AAAS: variants seen among roughly 807,000 people sequenced by gnomAD.
The protein encoded by AAAS is aladin.
Under a neutral mutation model 75.6 loss-of-function variants are expected in AAAS, and 60 were observed. The observed-to-expected ratio is 0.79, with a 90% CI of 0.64 to 0.98. AAAS has a LOEUF of 0.98. AAAS is among the 50% of genes least tolerant of loss of function. The probability of loss-of-function intolerance (pLI) is 0.00; values close to 1 mark genes in which losing one functional copy is unlikely to be tolerated. For synonymous variants in AAAS, 271 were observed against 265.0 expected (o/e 1.02, Z -0.22); for missense variants, 658 against 686.9 (o/e 0.96, Z 0.47).
chr12:53,312,946 T>C (rs1257438797), intron 7 of AAAS, among the ~76,000 whole-genome samples: 1 of 150,988 alleles, frequency 6.6e-6, no homozygotes, highest in Non-Finnish European at 1.5e-5. Context: ...AACCTCCGCC[T>C]CCCAGGTTCA....
At chr12:53,309,828 T>C (rs1944358366) in intron 7 of AAAS, 107 bp from the exon 8 acceptor site, 19 of 1,500,548 alleles carry the variant, frequency 1.3e-5, no homozygotes, top group Middle Eastern at 3.4e-4. Context: ...TGGCCCACTC[T>C]GGGCTCAAAT....
intron 2 of AAAS, among the ~76,000 whole-genome samples, chr12:53,316,785 A>AT (rs1944469498): frequency 6.9e-6 from 1 of 145,044 alleles, no homozygotes; most frequent in African/African-American, 2.5e-5. Context: ...AAAAAAAAAA[A>AT]GAAGAGAAAA....
At position 53,321,426 on chromosome 12, in the gene AAAS, C is replaced by A; in HGVS notation, c.40G>T (p.Gly14Cys). ...LGLFPPPPPR[G>C]QVTLYEHNNE... ...TTGTGCTCATATAGGGTGACTTGAC[C>A]CCGAGGCGGTGGAGGAGGGAACAAC... Residue 14 changes from glycine to cysteine, a missense_variant, in exon 1 of 16, where the codon GGT (glycine) becomes TGT (cysteine). Transcript: ENST00000209873. 6.2e-7 allele frequency: 1 copy of A among 1,614,226 alleles called. No homozygotes were observed. Among genetic ancestry groups the A allele is most frequent in the South Asian group, 1.1e-5 (1 of 91,090 alleles).
At chr12:53,318,223 A>AGTGT (rs71443291) in intron 2 of AAAS, among the ~76,000 whole-genome samples, 364 of 136,986 alleles carry the variant, frequency 2.7e-3, no homozygotes, top group African/African-American at 5.5e-3. Context: ...ATGGGGTTTC[A>AGTGT]GTGTGTGTGT....
At chr12:53,321,220 G>A (rs1443682801) in intron 1 of AAAS, 123 bp downstream of exon 1, 4 of 1,470,736 alleles carry the variant, frequency 2.7e-6, no homozygotes, top group Non-Finnish European at 3.7e-6. Flanking sequence ...CTCCTGCCGG[G>A]GCCAAGCTGT....
intron 2 of AAAS, among the ~76,000 whole-genome samples, chr12:53,318,735 G>A (rs1944506017): frequency 6.6e-6 from 1 of 152,130 alleles, no homozygotes; most frequent in African/African-American, 2.4e-5. Flanking sequence ...ATTTGAGCAT[G>A]CTGAATATAT....
chr12:53,310,433 G>A (rs954778441), intron 7 of AAAS, among the ~76,000 whole-genome samples: 2 of 152,112 alleles, frequency 1.3e-5, no homozygotes, highest in African/African-American at 4.8e-5. Flanking sequence ...GGTGGTGTTC[G>A]CCTGTAGTCC....
At chr12:53,313,007 C>A (rs1356911670) in intron 7 of AAAS, among the ~76,000 whole-genome samples, 1 of 151,604 alleles carries the variant, frequency 6.6e-6, no homozygotes, top group Non-Finnish European at 1.5e-5. Flanking sequence ...CAGGCGAGCA[C>A]CACCACGCCC....
intron 2 of AAAS, among the ~76,000 whole-genome samples, chr12:53,319,733 GGCGGAGGC>G (rs1006142491): frequency 5.4e-5 from 8 of 148,022 alleles, no homozygotes; most frequent in Non-Finnish European, 1.0e-4. Context: ...GAACCAGAGA[GGCGGAGGC>G]TGCAGTGAGC....
rs2121089788 is a variant in AAAS at position 53,309,677 on chromosome 12, G to A, written c.734C>T (p.Thr245Ile). 5.6e-6 allele frequency: 9 copies of A among 1,613,424 alleles called. No homozygotes were observed. The highest frequency in any genetic ancestry group is 2.2e-5 in the East Asian group (1 of 44,878). The change falls in exon 8 of 16, where the codon ACA (threonine) becomes ATA (isoleucine). Residue 245 changes from threonine (T) to isoleucine (I), a missense_variant. By Grantham distance (89) the Thr-to-Ile change is moderately conservative (BLOSUM62 -1). Coordinates refer to ENST00000209873, the MANE Select transcript of AAAS (RefSeq NM_015665.6). ...GGCCCAGGCCAAGCTGGTAACAGGT[G>A]TATGCCCAGGGTGAGACAGCACTTG... ...CAQVLSHPGH[T>I]PVTSLAWAPS...
intron 1 of AAAS, 117 bp from the exon 2 acceptor site, chr12:53,320,809 C>A: frequency 8.2e-7 from 1 of 1,225,550 alleles, no homozygotes; most frequent in Non-Finnish European, 1.2e-6. Flanking sequence ...GGTCTGTTTC[C>A]CATTTCCACA....
At position 53,315,314 on chromosome 12, in the gene AAAS, TG is replaced by T. The variant is rs1944445077; in HGVS notation, c.399+20del. 1 of 1,613,198 alleles carries T rather than the reference TG, an allele frequency of 6.2e-7. No homozygotes were observed. The highest frequency in any genetic ancestry group is 8.5e-7 in the Non-Finnish European group (1 of 1,179,344). ...TGGGGACACAGCAAATGCAGAGGGC[TG>T]GGGAGGAAGCCAAACTTACAGACAG... On this transcript the variant is annotated intron_variant, in intron 4 of 15. Transcript: ENST00000209873.
chr12:53,309,157 C>T lies in AAAS; in HGVS notation c.935G>A (p.Arg312Gln), dbSNP rs1029967361. The T allele has an allele frequency of 1.5e-5, 24 of 1,614,156 alleles. No individual in the cohort carries two copies. Among genetic ancestry groups the T allele is most frequent in the East Asian group, 2.2e-5 (1 of 44,894 alleles). ...CTCCCTCCATCCTTGTCCCACTCACCGAAAGACAGCTGAAGGAGTGGTAGC... is the reference window on the plus strand; with the variant it reads ...CTCCCTCCATCCTTGTCCCACTCACTGAAAGACAGCTGAAGGAGTGGTAGC... ...ILATTPSAVF[R>Q]VWEAQMWTCE... Residue 312 changes from arginine (R) to glutamine (Q), a missense_variant and splice_region_variant, in exon 9 of 16, where the codon CGA becomes CAA. Physicochemically the swap from Arg to Gln is conservative, Grantham distance 43. Coordinates refer to ENST00000209873, the MANE Select transcript of AAAS (RefSeq NM_015665.6).
intron 7 of AAAS, 147 bp downstream of exon 7, chr12:53,314,151 C>T (rs2136809929): frequency 1.7e-6 from 2 of 1,201,422 alleles, no homozygotes; most frequent in South Asian, 2.5e-5. Flanking sequence ...TTCTCAGCAA[C>T]CCACCTTGAT....
At chr12:53,314,528 A>C in intron 6 of AAAS, 87 bp from the exon 7 acceptor site, 1 of 1,580,662 alleles carries the variant, frequency 6.3e-7, no homozygotes, top group Non-Finnish European at 8.7e-7. Flanking sequence ...AAAGCCACAG[A>C]GAAGAAGGAT....
chr12:53,311,386 T>C (rs945847343), intron 7 of AAAS, among the ~76,000 whole-genome samples: 1 of 152,174 alleles, frequency 6.6e-6, no homozygotes, highest in Non-Finnish European at 1.5e-5. Flanking sequence ...CTCAGCCTCC[T>C]GAGTAGCTGG....
intron 2 of AAAS, 42 bp downstream of exon 2, chr12:53,320,523 A>T (rs775790139): frequency 6.2e-7 from 1 of 1,612,388 alleles, no homozygotes; most frequent in Non-Finnish European, 8.5e-7. Flanking sequence ...ATTTTCCAGG[A>T]TCTGCAGACT....
chr12:53,314,585 G>C lies in AAAS; in HGVS notation c.546-144C>G, dbSNP rs570290321. ...CACCATAGGACAGGAGGGGATAAAG[G>C]TTAGGTCTAGAAGAAGCACGCATCC... On this transcript the variant is annotated intron_variant, in intron 6 of 15. Transcript: ENST00000209873. 506 of 1,360,814 alleles carry C rather than the reference G, an allele frequency of 3.7e-4. 5 individuals are homozygous for C. The South Asian group carries it at 5.4e-3, about 15-fold the overall frequency. 84.3% of individuals were successfully genotyped at this position (1,360,814 alleles called of 1,614,324 possible). A position where few individuals can be genotyped will look rare whatever the true frequency, so the allele number is the denominator to read the frequency against.
rs1345486706 is a variant in AAAS at position 53,317,568 on chromosome 12, AC to A, written c.252-1787del. Among the ~76,000 whole-genome samples the A allele has an allele frequency of 1.5e-3, 196 of 130,110 alleles. 1 individual carries two copies. In the East Asian group the frequency reaches 0.02, roughly 13 times the overall value. The allele number at this position is 130,110 out of a possible 152,430, so 85.4% of individuals were successfully genotyped here. On this transcript the variant is annotated intron_variant, in intron 2 of 15. Transcript: ENST00000209873. ...CGAGACTCCGTCTCAAAAAAAAAAA[AC>A]CAAAAAAATAAAACAAAACAAAAAT...
Sources: allele counts gnomAD v4.1 joint callset (sites outside exome capture counted in the v4.1 genomes callset), GRCh38; gene constraint gnomAD v4.1.1; transcripts MANE v1.5; gene names NCBI Gene and HGNC (gene_info 2026-07-23, HGNC 2026-07-21).